KPNA1: variants seen among roughly 807,000 people sequenced by gnomAD.
KPNA1 encodes the protein importin subunit alpha-5.
In KPNA1, 10 loss-of-function variants were observed where a neutral mutation model predicts 70.5. That is an observed-to-expected ratio of 0.14 (90% CI 0.09 to 0.24). The LOEUF is 0.24. Ranked by LOEUF, KPNA1 falls within the 10% of genes least tolerant of loss-of-function variation. KPNA1 has a pLI of 1.00. For missense variants in KPNA1, 397 were observed against 637.9 expected (o/e 0.62, Z 4.07); for synonymous variants, 192 against 221.9 (o/e 0.87, Z 1.20).
At chr3:122,482,138 A>G (rs2076578756) in intron 2 of KPNA1, among the ~76,000 whole-genome samples, 1 of 152,274 alleles carries the variant, frequency 6.6e-6, no homozygotes, top group South Asian at 2.1e-4. Context: ...ACAAACCTAG[A>G]TGGAATAGCT....
chr3:122,463,347 CAAAA>C (rs10575172), intron 4 of KPNA1, among the ~76,000 whole-genome samples: 6 of 135,994 alleles, frequency 4.4e-5, no homozygotes, highest in Admixed American at 1.5e-4. Flanking sequence ...GACTCCATCT[CAAAA>C]AAAAAAAAAA....
chr3:122,480,660 C>T (rs1383801922), intron 2 of KPNA1, among the ~76,000 whole-genome samples: 2 of 151,176 alleles, frequency 1.3e-5, no homozygotes, highest in East Asian at 1.9e-4. Flanking sequence ...TTTTTTTAAA[C>T]TTTTCTCATT....
intron 2 of KPNA1, among the ~76,000 whole-genome samples, chr3:122,470,369 G>C (rs183436115): frequency 6.6e-6 from 1 of 151,838 alleles, no homozygotes; most frequent in Admixed American, 6.6e-5. Flanking sequence ...AAAATTAGCC[G>C]GGCGTGGCAG....
chr3:122,456,364 A>C (rs2076264785), intron 5 of KPNA1, among the ~76,000 whole-genome samples: 1 of 152,224 alleles, frequency 6.6e-6, no homozygotes, highest in Admixed American at 6.5e-5. Context: ...AGGAAAAGCA[A>C]TCTGGAAAAA....
At chr3:122,471,625 C>T (rs553075277) in intron 2 of KPNA1, among the ~76,000 whole-genome samples, 2 of 152,088 alleles carry the variant, frequency 1.3e-5, no homozygotes, top group Admixed American at 6.5e-5. Flanking sequence ...GCAGATCACA[C>T]GAGGCCAAGA....
At chr3:122,481,555 A>G (rs574339094) in intron 2 of KPNA1, among the ~76,000 whole-genome samples, 2 of 152,342 alleles carry the variant, frequency 1.3e-5, no homozygotes, top group South Asian at 4.1e-4. Flanking sequence ...GCTAATGGGC[A>G]TAAGGGGTTT....
intron 1 of KPNA1, among the ~76,000 whole-genome samples, chr3:122,513,358 AAC>A (rs1421120489): frequency 7.2e-5 from 11 of 152,230 alleles, no homozygotes; most frequent in African/African-American, 2.2e-4. Flanking sequence ...CTATCCATAA[AAC>A]AGTGTCTTCC....
chr3:122,467,303 A>G lies in KPNA1; in HGVS notation c.237+19T>C. ...CATATCTTCATCACAAAAACACTGA[A>G]AAGAGTTCATTATCTTACTGGTGCC... On this transcript the variant is annotated intron_variant, in intron 3 of 13. Coordinates refer to ENST00000344337, the MANE Select transcript of KPNA1 (RefSeq NM_002264.4). 1 of 1,334,834 alleles carries G rather than the reference A, an allele frequency of 7.5e-7. No individual in the cohort carries two copies. The highest frequency in any genetic ancestry group is 1.1e-6 in the Non-Finnish European group (1 of 937,264). The allele number at this position is 1,334,834 out of a possible 1,614,324, so 82.7% of individuals were successfully genotyped here.
chr3:122,452,802 AGACG>A (rs944130132), intron 6 of KPNA1, among the ~76,000 whole-genome samples: 44 of 151,986 alleles, frequency 2.9e-4, no homozygotes, highest in Admixed American at 2.2e-3. Flanking sequence ...AGAGAAAGAA[AGACG>A]GAAAGATGGA....
chr3:122,491,850 ATTTTTTTTTTTTT>A (rs67916227), intron 2 of KPNA1, among the ~76,000 whole-genome samples: 1 of 64,824 alleles, frequency 1.5e-5, no homozygotes, highest in Non-Finnish European at 2.8e-5. Flanking sequence ...TGACCATCAC[ATTTTTTTTTTTTT>A]TTTTTTTTTT....
intron 1 of KPNA1, among the ~76,000 whole-genome samples, chr3:122,501,755 T>C (rs181602085): frequency 4.6e-5 from 7 of 152,340 alleles, no homozygotes; most frequent in Admixed American, 3.9e-4. Context: ...AGTGGGTTTA[T>C]TGTACTGATT....
At chr3:122,512,243 T>C (rs2076962664) in intron 1 of KPNA1, among the ~76,000 whole-genome samples, 1 of 151,966 alleles carries the variant, frequency 6.6e-6, no homozygotes, top group South Asian at 2.1e-4. Context: ...ACTGGGGTCT[T>C]AGGAAGAATT....
At chr3:122,496,349 C>CACA in intron 2 of KPNA1, 88 bp downstream of exon 2, 514 of 1,212,228 alleles carry the variant, frequency 4.2e-4, no homozygotes, top group Non-Finnish European at 5.3e-4. Context: ...CACACACACA[C>CACA]CCCAACTTTG....
intron 2 of KPNA1, among the ~76,000 whole-genome samples, chr3:122,477,877 G>T (rs944745913): frequency 6.8e-6 from 1 of 146,160 alleles, no homozygotes. Context: ...AAAAAAAAAT[G>T]TCCAGGCTGC....
intron 10 of KPNA1, among the ~76,000 whole-genome samples, chr3:122,438,077 G>T (rs1266998921): frequency 6.6e-6 from 1 of 152,162 alleles, no homozygotes; most frequent in African/African-American, 2.4e-5. Flanking sequence ...ATCACATGTT[G>T]AATTGTAATC....
chr3:122,451,716 G>C, intron 7 of KPNA1, 83 bp from the exon 8 acceptor site: 1 of 885,896 alleles, frequency 1.1e-6, no homozygotes, highest in East Asian at 2.5e-5. Flanking sequence ...TAATACTTTT[G>C]ATAAAGAGAT....
chr3:122,491,326 A>G (rs989432602), intron 2 of KPNA1, among the ~76,000 whole-genome samples: 1 of 152,264 alleles, frequency 6.6e-6, no homozygotes, highest in Admixed American at 6.5e-5. Context: ...CTGCTCGTCC[A>G]ATATTTGACT....
At chr3:122,450,951 G>A (rs536138291) in intron 8 of KPNA1, among the ~76,000 whole-genome samples, 3 of 152,242 alleles carry the variant, frequency 2.0e-5, no homozygotes, top group Non-Finnish European at 4.4e-5. Context: ...CTATGAGGAC[G>A]CAAAAGCGTA....
chr3:122,503,426 C>T lies in KPNA1; in HGVS notation c.-5-6856G>A, dbSNP rs138023080. ...AAAATCTAAAAGGAAAGAAATGTTA[C>T]GCAAAAATTAAATATTCAACTGCTT... On this transcript the variant is annotated intron_variant, in intron 1 of 13. Coordinates refer to ENST00000344337, the MANE Select transcript of KPNA1 (RefSeq NM_002264.4). Among the ~76,000 whole-genome samples, 505 of 152,194 alleles carry T rather than the reference C, an allele frequency of 3.3e-3. 3 individuals are homozygous for T. Among genetic ancestry groups the T allele is most frequent in the African/African-American group, 0.012 (479 of 41,548 alleles).
Sources: allele counts gnomAD v4.1 joint callset (sites outside exome capture counted in the v4.1 genomes callset), GRCh38; gene constraint gnomAD v4.1.1; transcripts MANE v1.5; gene names NCBI Gene and HGNC (gene_info 2026-07-23, HGNC 2026-07-21).